ABI3BP: variants seen among roughly 807,000 people sequenced by gnomAD.
ABI3BP encodes the protein ABI family member 3 binding protein, also known as target of Nesh-SH3.
Under a neutral mutation model 268.6 loss-of-function variants are expected in ABI3BP, and 216 were observed. That is an observed-to-expected ratio of 0.80 (90% CI 0.72 to 0.90). ABI3BP has a LOEUF of 0.90. Among genes scored for constraint, ABI3BP ranks in the 40% least tolerant of loss-of-function variants. ABI3BP has a pLI of 0.00. For synonymous variants in ABI3BP, 730 were observed against 730.0 expected (o/e 1.00, Z 0.00); for missense variants, 2,090 against 2,182.4 (o/e 0.96, Z 0.84).
chr3:100,918,159 T>A (rs960571499), intron 2 of ABI3BP, among the ~76,000 whole-genome samples: 1 of 152,142 alleles, frequency 6.6e-6, no homozygotes. Context: ...AAGAAATAAC[T>A]AAGAATTAGA....
chr3:100,926,990 C>T (rs747044901), intron 1 of ABI3BP, among the ~76,000 whole-genome samples: 4 of 152,008 alleles, frequency 2.6e-5, no homozygotes, highest in Non-Finnish European at 5.9e-5. Context: ...AGGCAGAGAA[C>T]GGTTGAGGAG....
chr3:100,946,610 G>T (rs912667961), intron 1 of ABI3BP, among the ~76,000 whole-genome samples: 5 of 151,816 alleles, frequency 3.3e-5, no homozygotes, highest in Non-Finnish European at 5.9e-5. Context: ...CCAACATGGA[G>T]AAACCCTATC....
intron 24 of ABI3BP, 38 bp from the exon 25 acceptor site, chr3:100,838,502 T>C (rs1373248359): frequency 2.1e-6 from 3 of 1,449,240 alleles, no homozygotes; most frequent in South Asian, 2.4e-5. Flanking sequence ...CAATGGGTCA[T>C]GGCTGTGACT....
chr3:100,810,913 C>T (rs1356085361), intron 48 of ABI3BP, among the ~76,000 whole-genome samples: 2 of 151,920 alleles, frequency 1.3e-5, no homozygotes, highest in African/African-American at 4.8e-5. Context: ...ATCATCGCAC[C>T]AAAAAAGCAT....
Position 100,808,146 on chromosome 3 carries a change from A to G in ABI3BP, c.3682+15T>C, listed in dbSNP as rs1342405814. The G allele has an allele frequency of 5.6e-6, 9 of 1,607,174 alleles. No homozygotes were observed. The highest frequency in any genetic ancestry group is 7.7e-6 in the Non-Finnish European group (9 of 1,175,624). ...CCTCAAACTTTTCAAGCTAAAATGT[A>G]AAATATATATTTACCTGGTTGTGTT... is the stretch of plus-strand genomic sequence containing the variant. On this transcript the variant is annotated intron_variant, in intron 50 of 67. Transcript: ENST00000471714.
chr3:100,900,309 G>A (rs1231957827), intron 3 of ABI3BP, among the ~76,000 whole-genome samples: 5 of 152,236 alleles, frequency 3.3e-5, no homozygotes, highest in African/African-American at 1.2e-4. Context: ...GCCCTGGGAT[G>A]ATTGTGATCT....
chr3:100,775,438 C>G, intron 59 of ABI3BP, 103 bp from the exon 60 acceptor site: 1 of 1,463,486 alleles, frequency 6.8e-7, no homozygotes, highest in Non-Finnish European at 9.2e-7. Flanking sequence ...GACCATGTGG[C>G]TTGGCACTAT....
rs58672723 is a variant in ABI3BP at position 100,829,140 on chromosome 3, T to TA, written c.2542+440dup. On this transcript the variant is annotated intron_variant, in intron 33 of 67. Transcript: ENST00000471714. ...GATTTTTCTGTTTTTAAGTGGTTGT[T>TA]AAAAAAAAAAAAAGAAGAAGAAGAA... Among the ~76,000 whole-genome samples, 524 of 145,458 alleles carry TA rather than the reference T, an allele frequency of 3.6e-3. 9 individuals carry two copies. The East Asian group carries it at 0.052, about 15-fold the overall frequency.
rs1317352803 is a variant in ABI3BP, at chr3:100,817,486, G to A, written c.3098C>T (p.Thr1033Ile). 3.3e-6 allele frequency: 5 copies of A among 1,497,400 alleles called. No individual in the cohort carries two copies. Among genetic ancestry groups the A allele is most frequent in the South Asian group, 2.6e-5 (2 of 78,018 alleles). 92.8% of individuals were successfully genotyped at this position (1,497,400 alleles called of 1,614,324 possible). A position where few individuals can be genotyped will look rare whatever the true frequency, so the allele number is the denominator to read the frequency against. The change falls in exon 42 of 68, where the codon ACA becomes ATA. Residue 1033 changes from threonine to isoleucine, a missense_variant. Coordinates refer to ENST00000471714, the MANE Select transcript of ABI3BP (RefSeq NM_001375547.2). ...TEAPKTMVVT[T>I]VLEPDTFRTK... ...TCTAAAAGTGTCAGGTTCAAGGACT[G>A]TAGTAACAACTAGACAAAAATAATA...
intron 27 of ABI3BP, among the ~76,000 whole-genome samples, chr3:100,836,344 G>A (rs2098589709): frequency 6.6e-6 from 1 of 151,984 alleles, no homozygotes; most frequent in Admixed American, 6.6e-5. Flanking sequence ...TAACTCTCTG[G>A]TATTAGCATC....
At chr3:100,878,805 GCGTTGCTGGCATATAGC>G (rs1245039405) in intron 6 of ABI3BP, among the ~76,000 whole-genome samples, 4 of 95,590 alleles carry the variant, frequency 4.2e-5, no homozygotes, top group African/African-American at 8.6e-5. Flanking sequence ...TCCAGCAAAA[GCGTTGCTGGCATATAGC>G]CTCTAACTCC....
chr3:100,958,930 T>C (rs2077797294), intron 1 of ABI3BP, among the ~76,000 whole-genome samples: 7 of 152,208 alleles, frequency 4.6e-5, no homozygotes, highest in Admixed American at 4.6e-4. Flanking sequence ...AAGAGAGTTC[T>C]GAGAATGCCT....
intron 2 of ABI3BP, among the ~76,000 whole-genome samples, chr3:100,905,587 G>A (rs571452822): frequency 1.1e-4 from 16 of 151,806 alleles, no homozygotes; most frequent in Non-Finnish European, 2.2e-4. Flanking sequence ...AAAGAAGAGT[G>A]TTGGTAGAAT....
At chr3:100,812,628 A>T in intron 45 of ABI3BP, 105 bp from the exon 46 acceptor site, 1 of 626,226 alleles carries the variant, frequency 1.6e-6, no homozygotes, top group Non-Finnish European at 2.3e-6. Context: ...TTATAGGGTA[A>T]CAACATTATT....
At chr3:100,901,034 G>A (rs2050059034) in intron 3 of ABI3BP, among the ~76,000 whole-genome samples, 1 of 152,144 alleles carries the variant, frequency 6.6e-6, no homozygotes, top group African/African-American at 2.4e-5. Context: ...TCACACTGAT[G>A]TTTCTTGAGT....
intron 63 of ABI3BP, among the ~76,000 whole-genome samples, chr3:100,765,547 C>T (rs1299125303): frequency 6.6e-6 from 1 of 152,118 alleles, no homozygotes; most frequent in Non-Finnish European, 1.5e-5. Flanking sequence ...GTCACTGGTC[C>T]ACAGACTTTT....
At chr3:100,892,039 C>A (rs2044947416) in intron 4 of ABI3BP, among the ~76,000 whole-genome samples, 1 of 152,190 alleles carries the variant, frequency 6.6e-6, no homozygotes, top group Non-Finnish European at 1.5e-5. Flanking sequence ...ACCCAGGCCC[C>A]TGGAAAGCAG....
Position 100,789,495 on chromosome 3 carries a change from G to A in ABI3BP, c.4046C>T (p.Thr1349Ile). The change falls in exon 56 of 68, where the codon ACT (threonine) becomes ATT (isoleucine). Residue 1349 changes from threonine to isoleucine, a missense_variant. Coordinates refer to ENST00000471714, the MANE Select transcript of ABI3BP (RefSeq NM_001375547.2). Reference protein sequence around the residue: ...TTQAPHRFYTTVRPRTSDKPH... With the variant: ...TTQAPHRFYTIVRPRTSDKPH... ...CTTGTCAGATGTTCTGGGCCTCACA[G>A]TAGTATAAAATCTGTGTGGCGCTGA... 3 of 1,598,578 alleles carry A rather than the reference G, an allele frequency of 1.9e-6. No homozygotes were observed. Among genetic ancestry groups the A allele is most frequent in the East Asian group, 4.5e-5 (2 of 44,356 alleles).
At chr3:100,920,219 CCAGGCT>C in intron 2 of ABI3BP, among the ~76,000 whole-genome samples, 1 of 152,122 alleles carries the variant, frequency 6.6e-6, no homozygotes, top group Non-Finnish European at 1.5e-5. Context: ...GCCACTTAGA[CCAGGCT>C]TTTTCAACCT....
Sources: gnomAD v4.1 joint callset for allele counts (sites outside exome capture counted in the v4.1 genomes callset) on GRCh38, gnomAD v4.1.1 for gene constraint, MANE v1.5 for transcripts, NCBI Gene and HGNC (gene_info 2026-07-23, HGNC 2026-07-21) for gene names.